PFKFB3: variants seen among roughly 807,000 people sequenced by gnomAD.
PFKFB3 encodes the protein 6-phosphofructo-2-kinase/fructose-2,6-bisphosphatase 3.
A neutral mutation model predicts 68.0 loss-of-function variants in PFKFB3; 33 were observed. That is an observed-to-expected ratio of 0.49 (90% CI 0.37 to 0.65). The LOEUF (loss-of-function observed/expected upper bound fraction) is 0.65, where lower values mean the gene tolerates loss of function less well. Ranked by LOEUF, PFKFB3 falls within the 30% of genes least tolerant of loss-of-function variation. The probability of loss-of-function intolerance (pLI) is 0.00; values close to 1 mark genes in which losing one functional copy is unlikely to be tolerated. For synonymous variants in PFKFB3, 315 were observed against 288.2 expected (o/e 1.09, Z -0.94); for missense variants, 586 against 712.2 (o/e 0.82, Z 2.02).
Position 6,228,442 on chromosome 10 carries a change from C to G in PFKFB3, c.1515+2077C>G. 1.6e-6 allele frequency: 1 copy of G among 624,746 alleles called. No individual in the cohort carries two copies. Among genetic ancestry groups the G allele is most frequent in the Non-Finnish European group, 2.9e-6 (1 of 344,992 alleles). The allele number at this position is 624,746 out of a possible 1,614,324, so 38.7% of individuals were successfully genotyped here. On this transcript the variant is annotated intron_variant, in intron 14 of 14. Transcript: ENST00000379775. This position sits in a 1 kb window ranked among gnomAD's most constrained non-coding sequence, Gnocchi z 4.5. ...TGGCTGCACTACTGTTGGGTGTGTT[C>G]CGACACCGCCGCACGACCGCTGGCT...
rs907338078 is a variant in PFKFB3, at chr10:6,215,169, T to C, written c.203-52T>C. 4.8e-6 allele frequency: 7 copies of C among 1,472,000 alleles called. No homozygotes were observed. In the African/African-American group the frequency reaches 9.7e-5, roughly 20 times the overall value. 91.2% of individuals were successfully genotyped at this position (1,472,000 alleles called of 1,614,324 possible). On this transcript the variant is annotated intron_variant, in intron 2 of 14. Transcript: ENST00000379775. The surrounding 1 kb of genome is among the most constrained non-coding windows in gnomAD (Gnocchi z 4.3). ...TCGATCCTATGGTCCCGGTGTGAGC[T>C]GGCCCCTTCCTCCTGCTCGATCATC...
At chr10:6,152,918 G>C (rs189474762) in intron 1 of PFKFB3, among the ~76,000 whole-genome samples, 1 of 151,724 alleles carries the variant, frequency 6.6e-6, no homozygotes, top group Non-Finnish European at 1.5e-5. Context: ...GGTGGCTCAC[G>C]CCTGTAATCC....
At chr10:6,312,192 A>G in the PFKFB3 span, among the ~76,000 whole-genome samples, 1 of 152,182 alleles carries the variant, frequency 6.6e-6, no homozygotes, top group Non-Finnish European at 1.5e-5. Flanking sequence ...TTAGGCGGAC[A>G]GGCTTCTGTG....
chr10:6,302,795 T>C, the PFKFB3 span, among the ~76,000 whole-genome samples: 5 of 147,468 alleles, frequency 3.4e-5, no homozygotes, highest in African/African-American at 1.0e-4. Flanking sequence ...CACATACACA[T>C]ATATATATAT....
intron 14 of PFKFB3, among the ~76,000 whole-genome samples, chr10:6,251,313 T>A (rs1846375983): frequency 6.6e-6 from 1 of 152,204 alleles, no homozygotes; most frequent in South Asian, 2.1e-4. Context: ...GACTCAGCCG[T>A]CATCTCCAGG....
At position 6,155,205 on chromosome 10, in the gene PFKFB3, C is replaced by CTTTTTT. The variant is rs55673645; in HGVS notation, c.16+10202_16+10207dup. 2.3e-4 allele frequency among the ~76,000 whole-genome samples: 31 copies of CTTTTTT among 132,372 alleles called. 2 individuals carry two copies. The highest frequency in any genetic ancestry group is 3.5e-4 in the Non-Finnish European group (22 of 63,280). 86.8% of individuals were successfully genotyped at this position (132,372 alleles called of 152,430 possible). On this transcript the variant is annotated intron_variant, in intron 1 of 14. Transcript: ENST00000379789. Reference sequence around the variant, plus strand: ...GAGAAAAGCACTTACGAGTTTTTTTCTTTTTTTTTTTTTTTGAGACGGAGT... The same window carrying CTTTTTT: ...GAGAAAAGCACTTACGAGTTTTTTTCTTTTTTTTTTTTTTTTTTTTTGAGACGGAGT...
intron 1 of PFKFB3, among the ~76,000 whole-genome samples, chr10:6,206,823 TCC>T (rs1843771726): frequency 5.1e-5 from 1 of 19,526 alleles, no homozygotes. Flanking sequence ...GCAGAGACGC[TCC>T]TCACTTCCCA....
At chr10:6,306,735 G>A in the PFKFB3 span, among the ~76,000 whole-genome samples, 3 of 152,282 alleles carry the variant, frequency 2.0e-5, no homozygotes, top group South Asian at 6.2e-4. Flanking sequence ...CCTGGGCCCT[G>A]CAAAGGAGAG....
chr10:6,290,096 G>A, the PFKFB3 span, among the ~76,000 whole-genome samples: 1 of 152,138 alleles, frequency 6.6e-6, no homozygotes, highest in South Asian at 2.1e-4. Flanking sequence ...AGCTTAAGGA[G>A]ATTTTGGGCT....
chr10:6,208,381 T>TTTTTTTTTTTTTTTG, intron 1 of PFKFB3, among the ~76,000 whole-genome samples: 1 of 145,860 alleles, frequency 6.9e-6, no homozygotes. Flanking sequence ...CTTTTTTTTT[T>TTTTTTTTTTTTTTTG]TTTTTTTTTT....
rs374784976 is a variant in PFKFB3 at position 6,226,227 on chromosome 10, C to T, written c.1377C>T (p.Arg459=). The T allele has an allele frequency of 5.0e-6, 8 of 1,612,910 alleles. No homozygotes were observed. Among genetic ancestry groups the T allele is most frequent in the South Asian group, 1.1e-5 (1 of 91,006 alleles). ...AKKGPNPLMR[R]NSVTPLASPE... is the part of the protein sequence containing the mutation. ...AGGGACCTAACCCGCTCATGAGACG[C>T]AATAGTGTCACCCCGCTAGCCAGCC... Residue 459 remains arginine, a synonymous_variant, in exon 14 of 15, where the codon CGC becomes CGT. Transcript: ENST00000379775.
In PFKFB3 at chr10:6,202,972, G is replaced by C. The variant is rs912748730; in HGVS notation, c.-289G>C. 3.1e-6 allele frequency: 4 copies of C among 1,293,324 alleles called. No individual in the cohort carries two copies. Among genetic ancestry groups the C allele is most frequent in the Non-Finnish European group, 2.9e-6 (3 of 1,020,878 alleles). 80.1% of individuals were successfully genotyped at this position (1,293,324 alleles called of 1,614,324 possible). A position where few individuals can be genotyped will look rare whatever the true frequency, so the allele number is the denominator to read the frequency against. On this transcript the variant is annotated 5_prime_UTR_variant, in exon 1 of 15. Coordinates refer to ENST00000379775, the MANE Select transcript of PFKFB3 (RefSeq NM_004566.4). ...GAGGCGAGCAGCAGGGCCTGGTGGC[G>C]AGAGCGCGGCTGTCACTGCGCCCGA...
chr10:6,198,646 C>G (rs915639728), upstream of PFKFB3, among the ~76,000 whole-genome samples: 12 of 152,298 alleles, frequency 7.9e-5, no homozygotes, highest in African/African-American at 2.9e-4. Context: ...CCACACCCAG[C>G]TAATTTTTGT....
At chr10:6,169,189 G>A (rs1389547852) in intron 1 of PFKFB3, among the ~76,000 whole-genome samples, 1 of 152,126 alleles carries the variant, frequency 6.6e-6, no homozygotes, top group Non-Finnish European at 1.5e-5. Context: ...TGATCCCCCC[G>A]CCTCAGCCTC....
At chr10:6,221,813 A>C in intron 10 of PFKFB3, 68 bp downstream of exon 10, 1 of 1,100,358 alleles carries the variant, frequency 9.1e-7, no homozygotes, top group Non-Finnish European at 1.3e-6. Flanking sequence ...GGGCTGGGCC[A>C]CCCCTCCAGG....
intron 14 of PFKFB3, chr10:6,231,353 G>A (rs758330737): frequency 3.1e-6 from 5 of 1,611,498 alleles, no homozygotes; most frequent in East Asian, 2.2e-5. Context: ...CCCGCACCGC[G>A]TCACGGCATC....
the PFKFB3 span, among the ~76,000 whole-genome samples, chr10:6,310,392 C>T: frequency 6.6e-6 from 1 of 152,038 alleles, no homozygotes; most frequent in Admixed American, 6.6e-5. Context: ...CCTGTCCCTC[C>T]CAAAGCACAG....
intron 14 of PFKFB3, among the ~76,000 whole-genome samples, chr10:6,252,531 A>G (rs1409714716): frequency 6.6e-6 from 1 of 152,234 alleles, no homozygotes; most frequent in Non-Finnish European, 1.5e-5. Context: ...AAATGATTGA[A>G]ATACCTTATT....
chr10:6,208,228 C>T (rs1362361801), intron 1 of PFKFB3, among the ~76,000 whole-genome samples: 5 of 152,054 alleles, frequency 3.3e-5, no homozygotes, highest in African/African-American at 9.7e-5. Flanking sequence ...TGTGCTACTG[C>T]GCCCAGCTAA....
Sources: allele counts gnomAD v4.1 joint callset (sites outside exome capture counted in the v4.1 genomes callset), GRCh38; gene constraint gnomAD v4.1.1; non-coding constraint Gnocchi (gnomAD v3.1); transcripts MANE v1.5; gene names NCBI Gene and HGNC (gene_info 2026-07-23, HGNC 2026-07-21).